Variants in TMEM232 observed in about 807,000 individuals in gnomAD.
TMEM232 encodes transmembrane protein 232.
Under a neutral mutation model 78.8 loss-of-function variants are expected in TMEM232, and 80 were observed. The observed-to-expected ratio is 1.01, with a 90% CI of 0.85 to 1.22. The LOEUF (loss-of-function observed/expected upper bound fraction) is 1.22, where lower values mean the gene tolerates loss of function less well. TMEM232 is among the 50% of genes most tolerant of loss of function. The pLI, the probability that TMEM232 is intolerant of heterozygous loss-of-function variation, is 0.00. For missense variants in TMEM232, 881 were observed against 742.2 expected, an observed-to-expected ratio of 1.19 and a Z score of -2.17; for synonymous variants, 297 against 254.3, an observed-to-expected ratio of 1.17 and a Z score of -1.60.
intron 2 of TMEM232, among the ~76,000 whole-genome samples, chr5:110,411,809 T>A (rs1207311660): frequency 6.6e-6 from 1 of 152,216 alleles, no homozygotes; most frequent in East Asian, 1.9e-4. Flanking sequence ...TATGTATATA[T>A]CACATTTGTT....
chr5:110,575,628 G>T (rs749649665), intron 10 of TMEM232, among the ~76,000 whole-genome samples: 1 of 152,000 alleles, frequency 6.6e-6, no homozygotes, highest in Non-Finnish European at 1.5e-5. Context: ...CTACAGTTGA[G>T]ACTAATCAAA....
At chr5:110,499,574 T>G (rs892516316) in intron 12 of TMEM232, among the ~76,000 whole-genome samples, 1 of 150,412 alleles carries the variant, frequency 6.6e-6, no homozygotes, top group African/African-American at 2.5e-5. Context: ...CATTTTAAAT[T>G]AAAAGACATA....
At chr5:110,472,156 T>C (rs1762759745) in intron 12 of TMEM232, among the ~76,000 whole-genome samples, 1 of 151,678 alleles carries the variant, frequency 6.6e-6, no homozygotes, top group Non-Finnish European at 1.5e-5. Flanking sequence ...AGCCAAAGAC[T>C]CCACAAAAAA....
chr5:110,738,164 GGAACA>G (rs1799401466), upstream of TMEM232: 1 of 1,215,392 alleles, frequency 8.2e-7, no homozygotes, highest in Non-Finnish European at 1.1e-6. Context: ...ACGAGTTGAA[GGAACA>G]TAGGATGAAA....
intron 13 of TMEM232, 112 bp from the exon 14 acceptor site, chr5:110,420,868 A>G: frequency 7.2e-7 from 1 of 1,386,336 alleles, no homozygotes; most frequent in Non-Finnish European, 9.3e-7. Context: ...GGTTTTTTCC[A>G]TGACATTCCT....
chr5:110,679,164 G>A (rs996053985), intron 1 of TMEM232, among the ~76,000 whole-genome samples: 1 of 152,146 alleles, frequency 6.6e-6, no homozygotes, highest in African/African-American at 2.4e-5. Flanking sequence ...GAGAGCACCT[G>A]TTGTTCCATG....
chr5:110,547,600 G>A (rs915311338), intron 11 of TMEM232, among the ~76,000 whole-genome samples: 1 of 152,056 alleles, frequency 6.6e-6, no homozygotes, highest in Non-Finnish European at 1.5e-5. Context: ...AAATACTGGC[G>A]AGGAGTAAAA....
In TMEM232 at chr5:110,627,784, A is replaced by T. The variant is rs919530291; in HGVS notation, c.598T>A (p.Tyr200Asn). Residue 200 changes from tyrosine to asparagine, a missense_variant, in exon 6 of 14, where the codon TAC becomes AAC. Tyr to Asn is a moderately radical substitution (Grantham distance 143, BLOSUM62 -2). Coordinates refer to ENST00000455884, the MANE Select transcript of TMEM232 (RefSeq NM_001039763.4). Reference sequence around the variant, plus strand: ...GTAAAAATAAAAGATATTCTACCGTATAAATATGGTTGAAGCCTAAGTAAA... The same window carrying T: ...GTAAAAATAAAAGATATTCTACCGTTTAAATATGGTTGAAGCCTAAGTAAA... ...QHLLRLQPYLYALSFSGASYH... is the reference protein window; with the variant it reads ...QHLLRLQPYLNALSFSGASYH... 1.3e-6 allele frequency: 2 copies of T among 1,491,274 alleles called. No homozygotes were observed. The highest frequency in any genetic ancestry group is 9.0e-7 in the Non-Finnish European group (1 of 1,113,198). 92.4% of individuals were successfully genotyped at this position (1,491,274 alleles called of 1,614,324 possible).
At chr5:110,577,037 T>C (rs920967186) in intron 10 of TMEM232, among the ~76,000 whole-genome samples, 15 of 151,902 alleles carry the variant, frequency 9.9e-5, no homozygotes, top group African/African-American at 3.4e-4. Flanking sequence ...AGAAATGGAA[T>C]ATAACTAAAC....
chr5:110,732,368 G>A (rs1206747071), intron 2 of TMEM232, among the ~76,000 whole-genome samples: 1 of 151,962 alleles, frequency 6.6e-6, no homozygotes, highest in African/African-American at 2.4e-5. Context: ...TACTCTATTG[G>A]TACCAACTCA....
At chr5:110,650,837 C>T (rs1788201855) in intron 2 of TMEM232, among the ~76,000 whole-genome samples, 1 of 152,022 alleles carries the variant, frequency 6.6e-6, no homozygotes, top group African/African-American at 2.4e-5. Flanking sequence ...CATGTATTAA[C>T]ATGGTTCAAT....
intron 11 of TMEM232, among the ~76,000 whole-genome samples, chr5:110,557,428 T>C (rs149881176): frequency 1.3e-5 from 2 of 152,286 alleles, no homozygotes; most frequent in African/African-American, 4.8e-5. Context: ...AGTGTGGTAA[T>C]TTGGAGGTAA....
At chr5:110,684,180 C>T (rs925099380) in intron 1 of TMEM232, among the ~76,000 whole-genome samples, 1 of 151,752 alleles carries the variant, frequency 6.6e-6, no homozygotes, top group South Asian at 2.1e-4. Flanking sequence ...ATCATTACTA[C>T]TACTCAAAAT....
At chr5:110,406,848 G>C (rs184513436) in intron 2 of TMEM232, among the ~76,000 whole-genome samples, 1 of 152,042 alleles carries the variant, frequency 6.6e-6, no homozygotes, top group Non-Finnish European at 1.5e-5. Context: ...GTGGAAATGA[G>C]GTTAGATTGT....
intron 11 of TMEM232, among the ~76,000 whole-genome samples, chr5:110,540,239 G>A (rs1407492558): frequency 6.6e-6 from 1 of 152,172 alleles, no homozygotes; most frequent in Non-Finnish European, 1.5e-5. Flanking sequence ...AAAAAAGCTG[G>A]ATGGAGTGGC....
chr5:110,416,934 T>TATCA (rs1756238174), downstream of TMEM232, among the ~76,000 whole-genome samples: 1 of 152,206 alleles, frequency 6.6e-6, no homozygotes, highest in African/African-American at 2.4e-5. Context: ...AACAAAATTC[T>TATCA]ATCAGGAAAA....
intron 11 of TMEM232, among the ~76,000 whole-genome samples, chr5:110,560,256 A>G (rs1775587341): frequency 6.6e-6 from 1 of 152,160 alleles, no homozygotes; most frequent in Non-Finnish European, 1.5e-5. Context: ...TCCATACCCA[A>G]TACTAGATTG....
chr5:110,607,937 G>A (rs948933487), intron 8 of TMEM232, among the ~76,000 whole-genome samples: 6 of 151,834 alleles, frequency 4.0e-5, no homozygotes, highest in African/African-American at 1.2e-4. Flanking sequence ...GAAGAAGCTT[G>A]GACCTTGAAG....
intron 12 of TMEM232, among the ~76,000 whole-genome samples, chr5:110,499,299 T>C (rs1765953789): frequency 6.6e-6 from 1 of 152,152 alleles, no homozygotes; most frequent in South Asian, 2.1e-4. Flanking sequence ...AGATGTACTT[T>C]TTGTTTTCTT....
Sources: gnomAD v4.1 joint callset for allele counts (sites outside exome capture counted in the v4.1 genomes callset) on GRCh38, gnomAD v4.1.1 for gene constraint, MANE v1.5 for transcripts, NCBI Gene and HGNC (gene_info 2026-07-23, HGNC 2026-07-21) for gene names.